The following CNTNAP2 variants were observed in gnomAD, a reference collection of about 807,000 sequenced individuals.
CNTNAP2 encodes the protein contactin associated protein 2.
CNTNAP2 carries 98 observed loss-of-function variants against 155.2 expected under a neutral mutation model. The observed-to-expected ratio is 0.63, with a 90% CI of 0.54 to 0.75. The LOEUF (loss-of-function observed/expected upper bound fraction) is 0.75, where lower values mean the gene tolerates loss of function less well. Among genes scored for constraint, CNTNAP2 ranks in the 30% least tolerant of loss-of-function variants. The pLI is 0.00. For synonymous variants in CNTNAP2, 651 were observed against 631.2 expected (o/e 1.03, Z -0.47); for missense variants, 1,727 against 1,688.1 (o/e 1.02, Z -0.40).
At chr7:146,857,715 T>C (rs1464160942) in intron 3 of CNTNAP2, among the ~76,000 whole-genome samples, 1 of 151,924 alleles carries the variant, frequency 6.6e-6, no homozygotes, top group African/African-American at 2.4e-5. Context: ...ACGTGGAATA[T>C]AAGAAAAAAG....
intron 1 of CNTNAP2, among the ~76,000 whole-genome samples, chr7:146,590,541 T>C (rs1288031778): frequency 6.6e-6 from 1 of 152,156 alleles, no homozygotes; most frequent in Non-Finnish European, 1.5e-5. Context: ...TGAGCATACC[T>C]AATCCAAAAA....
intron 12 of CNTNAP2, among the ~76,000 whole-genome samples, chr7:147,605,492 C>G (rs1471596396): frequency 6.6e-6 from 1 of 152,076 alleles, no homozygotes; most frequent in Non-Finnish European, 1.5e-5. Context: ...CAAAGGTTAC[C>G]TTGTCATGCA....
At chr7:147,265,464 C>T (rs1179154145) in intron 8 of CNTNAP2, among the ~76,000 whole-genome samples, 1 of 152,158 alleles carries the variant, frequency 6.6e-6, no homozygotes, top group Non-Finnish European at 1.5e-5. Context: ...CCTGCAGGAA[C>T]TCCAGCAACT....
At chr7:148,291,392 A>C (rs1418569257) in intron 21 of CNTNAP2, among the ~76,000 whole-genome samples, 2 of 152,058 alleles carry the variant, frequency 1.3e-5, no homozygotes, top group Non-Finnish European at 2.9e-5. Flanking sequence ...CTGAAGAGCA[A>C]GGAGAGACAG....
chr7:146,577,894 C>G (rs1314806793), intron 1 of CNTNAP2, among the ~76,000 whole-genome samples: 1 of 151,886 alleles, frequency 6.6e-6, no homozygotes, highest in Non-Finnish European at 1.5e-5. Flanking sequence ...CATTTTTTGA[C>G]TCAGGATTGC....
intron 1 of CNTNAP2, among the ~76,000 whole-genome samples, chr7:146,402,535 T>C (rs1321310948): frequency 6.6e-6 from 1 of 152,148 alleles, no homozygotes; most frequent in Non-Finnish European, 1.5e-5. Context: ...AGAAATTATT[T>C]ACAGTAACAC....
intron 16 of CNTNAP2, among the ~76,000 whole-genome samples, chr7:148,135,431 G>A (rs1804916489): frequency 6.6e-6 from 1 of 152,122 alleles, no homozygotes; most frequent in South Asian, 2.1e-4. Context: ...CTGGCTTCTG[G>A]TTGCTCATTC....
intron 12 of CNTNAP2, among the ~76,000 whole-genome samples, chr7:147,577,313 C>T (rs1800413550): frequency 6.6e-6 from 1 of 151,986 alleles, no homozygotes. Context: ...TCCTTATTAC[C>T]ATAGTCTTCC....
chr7:146,515,703 T>G (rs772758771), intron 1 of CNTNAP2, among the ~76,000 whole-genome samples: 21 of 152,148 alleles, frequency 1.4e-4, no homozygotes, highest in Non-Finnish European at 2.2e-4. Flanking sequence ...ACTAAATACC[T>G]TGACCCCAAT....
chr7:146,522,294 C>T (rs922475050), intron 1 of CNTNAP2, among the ~76,000 whole-genome samples: 1 of 152,028 alleles, frequency 6.6e-6, no homozygotes, highest in Non-Finnish European at 1.5e-5. Flanking sequence ...ATAAAACACT[C>T]TGTCATGCTG....
intron 1 of CNTNAP2, among the ~76,000 whole-genome samples, chr7:146,624,428 T>C (rs1170280205): frequency 6.6e-6 from 1 of 151,912 alleles, no homozygotes; most frequent in Admixed American, 6.6e-5. Flanking sequence ...ATATAGTTGG[T>C]GTCTGTTATT....
intron 15 of CNTNAP2, among the ~76,000 whole-genome samples, chr7:148,090,798 T>C (rs1394234931): frequency 6.6e-6 from 1 of 152,114 alleles, no homozygotes; most frequent in Non-Finnish European, 1.5e-5. Context: ...AGTGCACTCC[T>C]ATGTTTACCG....
chr7:147,889,276 A>G (rs1799647804), intron 13 of CNTNAP2, among the ~76,000 whole-genome samples: 1 of 152,136 alleles, frequency 6.6e-6, no homozygotes, highest in South Asian at 2.1e-4. Context: ...AGGTACAAAT[A>G]TTTGGAAATA....
intron 2 of CNTNAP2, among the ~76,000 whole-genome samples, chr7:146,807,318 C>T (rs1289548089): frequency 6.6e-6 from 1 of 152,200 alleles, no homozygotes; most frequent in East Asian, 1.9e-4. Context: ...CATAGTCTTA[C>T]ATATTTTAAT....
intron 8 of CNTNAP2, among the ~76,000 whole-genome samples, chr7:147,234,745 C>T (rs1005653332): frequency 5.3e-5 from 8 of 152,152 alleles, no homozygotes; most frequent in African/African-American, 1.7e-4. Flanking sequence ...CTTTCCTTGA[C>T]ACTCAAGACT....
chr7:147,942,159 T>C (rs1193742196), intron 14 of CNTNAP2, among the ~76,000 whole-genome samples: 1 of 152,186 alleles, frequency 6.6e-6, no homozygotes, highest in East Asian at 1.9e-4. Context: ...AAAGTGGTGC[T>C]AGAGGTTCAA....
At chr7:146,196,629 A>G (rs1315382379) in intron 1 of CNTNAP2, among the ~76,000 whole-genome samples, 1 of 152,074 alleles carries the variant, frequency 6.6e-6, no homozygotes, top group African/African-American at 2.4e-5. Context: ...GGACCTAGAG[A>G]TAATTACAGG....
intron 16 of CNTNAP2, chr7:148,133,697 C>T (rs1804879865): frequency 6.6e-6 from 1 of 152,164 alleles, no homozygotes; most frequent in Non-Finnish European, 1.5e-5. Context: ...GAGCTAGTCA[C>T]ATGTCTCCAC....
At chr7:147,821,246 G>A (rs1798355250) in intron 13 of CNTNAP2, among the ~76,000 whole-genome samples, 1 of 152,116 alleles carries the variant, frequency 6.6e-6, no homozygotes, top group Non-Finnish European at 1.5e-5. Flanking sequence ...TATAGGAAAT[G>A]TATTCTTTCT....
Sources: gnomAD v4.1 joint callset for allele counts (sites outside exome capture counted in the v4.1 genomes callset) on GRCh38, gnomAD v4.1.1 for gene constraint, MANE v1.5 for transcripts, NCBI Gene and HGNC (gene_info 2026-07-23, HGNC 2026-07-21) for gene names.